The following CBFA2T3 variants were observed in gnomAD, a reference collection of about 807,000 sequenced individuals.
CBFA2T3 encodes transcriptional corepressor CBFA2T3.
CBFA2T3 carries 31 observed loss-of-function variants against 58.6 expected under a neutral mutation model. The observed-to-expected ratio is 0.53, with a 90% confidence interval of 0.40 to 0.71. The LOEUF is 0.71. CBFA2T3 is among the 30% of genes least tolerant of loss of function. The pLI, the probability that CBFA2T3 is intolerant of heterozygous loss-of-function variation, is 0.00. For missense variants in CBFA2T3, 1,076 were observed against 963.1 expected, an observed-to-expected ratio of 1.12 and a Z score of -1.55; for synonymous variants, 531 against 421.9, an observed-to-expected ratio of 1.26 and a Z score of -3.17.
chr16:88,946,440 C>T (rs1305444190), intron 1 of CBFA2T3, among the ~76,000 whole-genome samples: 1 of 152,020 alleles, frequency 6.6e-6, no homozygotes, highest in Non-Finnish European at 1.5e-5. Context: ...CAGTGGTTTT[C>T]AGGGGGTTAT....
At position 88,966,856 on chromosome 16, in the gene CBFA2T3, C is replaced by T. The variant is rs553880964; in HGVS notation, c.151+9801G>A. ...CCACTGCTGCCCCTCAGAGACCAGG[C>T]GCTCATTTCCCCCAGGAAGCCGGGA... On this transcript the variant is annotated intron_variant, in intron 1 of 11. Transcript: ENST00000268679. Among the ~76,000 whole-genome samples, 8 of 152,274 alleles carry T rather than the reference C, an allele frequency of 5.3e-5. No individual in the cohort carries two copies. In the East Asian group the frequency reaches 5.8e-4, roughly 11 times the overall value.
chr16:88,911,102 C>G (rs114920587), intron 1 of CBFA2T3, among the ~76,000 whole-genome samples: 1,587 of 152,376 alleles, frequency 0.01, 29 homozygotes, highest in African/African-American at 0.035. Context: ...GACAAGGAGC[C>G]AAGTCCTATT....
intron 1 of CBFA2T3, 60 bp from the exon 2 acceptor site, chr16:88,901,716 C>A: frequency 1.4e-6 from 2 of 1,440,174 alleles, no homozygotes; most frequent in East Asian, 5.5e-5. Flanking sequence ...GGCCAGGGCC[C>A]GCAGCCCCAC....
At chr16:88,880,913 C>G in intron 9 of CBFA2T3, 125 bp from the exon 10 acceptor site, 1 of 901,168 alleles carries the variant, frequency 1.1e-6, no homozygotes. Context: ...GGGGGAGGCC[C>G]AGGTGCCCTC....
intron 1 of CBFA2T3, chr16:88,938,036 G>A (rs1971564535): frequency 6.6e-6 from 1 of 152,340 alleles, no homozygotes; most frequent in Admixed American, 6.5e-5. Context: ...TGCACAGCAG[G>A]GCAGGAAGCA....
At chr16:88,898,406 G>A (rs1969971797) in intron 2 of CBFA2T3, among the ~76,000 whole-genome samples, 1 of 152,196 alleles carries the variant, frequency 6.6e-6, no homozygotes, top group African/African-American at 2.4e-5. Flanking sequence ...TTCTCAGAGT[G>A]ATTTTCTGAC....
chr16:88,954,913 CCCAAGGCTCCTGACCCCAT>C (rs1278090302), intron 1 of CBFA2T3, among the ~76,000 whole-genome samples: 3 of 27,864 alleles, frequency 1.1e-4, no homozygotes, highest in Non-Finnish European at 2.0e-4. Flanking sequence ...CCTGACCCCA[CCCAAGGCTCCTGACCCCAT>C]CCAAGGCTCC....
chr16:88,960,856 G>A (rs1434535711), intron 1 of CBFA2T3, among the ~76,000 whole-genome samples: 1 of 152,210 alleles, frequency 6.6e-6, no homozygotes, highest in African/African-American at 2.4e-5. Context: ...ATCACAGGGA[G>A]GTCTGCCAGA....
chr16:88,928,551 G>A (rs1256870931), intron 1 of CBFA2T3, among the ~76,000 whole-genome samples: 1 of 152,224 alleles, frequency 6.6e-6, no homozygotes, highest in African/African-American at 2.4e-5. Context: ...CCCTCTTCCA[G>A]CACCCAGTGA....
chr16:88,898,783 G>C (rs1436243923), intron 2 of CBFA2T3, among the ~76,000 whole-genome samples: 1 of 152,222 alleles, frequency 6.6e-6, no homozygotes, highest in Non-Finnish European at 1.5e-5. Context: ...AGCACTTTGG[G>C]AGGCTGAGGC....
chr16:88,943,724 G>A (rs1373647270), intron 1 of CBFA2T3, among the ~76,000 whole-genome samples: 4 of 152,190 alleles, frequency 2.6e-5, no homozygotes, highest in East Asian at 3.9e-4. Context: ...GAGAGGCTGA[G>A]CCTCTCAGCC....
In CBFA2T3 at chr16:88,885,585, C is replaced by T. The variant is rs2142554611; in HGVS notation, c.894-316G>A. 6.6e-6 allele frequency among the ~76,000 whole-genome samples: 1 copy of T among 152,262 alleles called. No individual in the cohort carries two copies. Among genetic ancestry groups the T allele is most frequent in the African/African-American group, 2.4e-5 (1 of 41,544 alleles). On this transcript the variant is annotated intron_variant, in intron 6 of 11. Coordinates refer to ENST00000268679, the MANE Select transcript of CBFA2T3 (RefSeq NM_005187.6). The surrounding 1 kb of genome is among the most constrained non-coding windows in gnomAD (Gnocchi z 5.3). ...ACACCAGGCTTCCGTAACTGGAGAC[C>T]ACCTGCCCCTTGGGCAGCAGCAGCA...
chr16:88,885,034 C>A lies in CBFA2T3; in HGVS notation c.1117+12G>T, dbSNP rs369844657. 6.3e-7 allele frequency: 1 copy of A among 1,583,508 alleles called. No homozygotes were observed. The highest frequency in any genetic ancestry group is 8.6e-7 in the Non-Finnish European group (1 of 1,167,784). On this transcript the variant is annotated intron_variant, in intron 7 of 11. Coordinates refer to ENST00000268679, the MANE Select transcript of CBFA2T3 (RefSeq NM_005187.6). The surrounding 1 kb of genome is among the most constrained non-coding windows in gnomAD (Gnocchi z 5.3). ...ACACGCGTCCACGCTCCCGCCCCAC[C>A]GGGCTGCTCACCAAGCGGCCGATGG... is the stretch of plus-strand genomic sequence containing the variant.
At chr16:88,944,468 G>A (rs1053142141) in intron 1 of CBFA2T3, among the ~76,000 whole-genome samples, 1 of 152,100 alleles carries the variant, frequency 6.6e-6, no homozygotes, top group African/African-American at 2.4e-5. Context: ...GGGAGACCGT[G>A]CCTGGCTCTA....
chr16:88,932,296 C>T (rs1459320180), intron 1 of CBFA2T3, among the ~76,000 whole-genome samples: 1 of 151,198 alleles, frequency 6.6e-6, no homozygotes, highest in Non-Finnish European at 1.5e-5. Context: ...AGAGCACACA[C>T]TTCCAGGAAA....
intron 1 of CBFA2T3, chr16:88,939,848 G>C (rs1206642282): frequency 6.6e-6 from 1 of 152,244 alleles, no homozygotes; most frequent in Non-Finnish European, 1.5e-5. Flanking sequence ...CGCCCCTTCA[G>C]GTCTGGGGGA....
rs1006806429 is a variant in CBFA2T3, at chr16:88,879,595, G to C, written c.1472-135C>G. On this transcript the variant is annotated intron_variant, in intron 10 of 11. Coordinates refer to ENST00000268679, the MANE Select transcript of CBFA2T3 (RefSeq NM_005187.6). ...ACACGTACCATCTGTGCACACAAAG[G>C]CACATGTTGATGGGGCTGTAGGCAG... 1.2e-5 allele frequency: 9 copies of C among 751,358 alleles called. No individual in the cohort carries two copies. In the Admixed American group the frequency reaches 2.3e-4, roughly 20 times the overall value. 46.5% of individuals were successfully genotyped at this position (751,358 alleles called of 1,614,324 possible).
intron 1 of CBFA2T3, among the ~76,000 whole-genome samples, chr16:88,956,500 C>T (rs1339184778): frequency 6.6e-6 from 1 of 152,248 alleles, no homozygotes; most frequent in Non-Finnish European, 1.5e-5. Context: ...CTTCTACTGG[C>T]CTCACAGGCA....
Position 88,886,041 on chromosome 16 carries a change from G to C in CBFA2T3, c.813C>G (p.Asp271Glu). ...YLAQHEQLLL[D>E]ASASSPIDSS... Reference sequence around the variant, plus strand: ...AGTCGATGGGGGAGGAGGCGCTGGCGTCCAGCAGGAGCTGCTCATGCTGGG... The same window carrying C: ...AGTCGATGGGGGAGGAGGCGCTGGCCTCCAGCAGGAGCTGCTCATGCTGGG... Residue 271 changes from aspartate to glutamate, a missense_variant, in exon 6 of 12, where the codon GAC (aspartate) becomes GAG (glutamate). Coordinates refer to ENST00000268679, the MANE Select transcript of CBFA2T3 (RefSeq NM_005187.6). 1.3e-6 allele frequency: 2 copies of C among 1,578,706 alleles called. No individual in the cohort carries two copies. Among genetic ancestry groups the C allele is most frequent in the Non-Finnish European group, 1.7e-6 (2 of 1,166,064 alleles).
Sources: allele counts gnomAD v4.1 joint callset (sites outside exome capture counted in the v4.1 genomes callset), GRCh38; gene constraint gnomAD v4.1.1; non-coding constraint Gnocchi (gnomAD v3.1); transcripts MANE v1.5; gene names NCBI Gene and HGNC (gene_info 2026-07-23, HGNC 2026-07-21).